BBS9: variants seen among roughly 807,000 people sequenced by gnomAD.
The protein encoded by BBS9 is Bardet-Biedl syndrome 9, also known as protein PTHB1.
Under a neutral mutation model 117.7 loss-of-function variants are expected in BBS9, and 89 were observed. The observed-to-expected ratio is 0.76, with a 90% CI of 0.64 to 0.90. The LOEUF (loss-of-function observed/expected upper bound fraction) is 0.90. Ranked by LOEUF, BBS9 falls within the 40% of genes least tolerant of loss-of-function variation. The probability of loss-of-function intolerance (pLI) is 0.00; values close to 1 mark genes in which losing one functional copy is unlikely to be tolerated. For synonymous variants in BBS9, 379 were observed against 370.9 expected, an observed-to-expected ratio of 1.02 and a Z score of -0.25; for missense variants, 982 against 1,042.2, an observed-to-expected ratio of 0.94 and a Z score of 0.80.
intron 9 of BBS9, among the ~76,000 whole-genome samples, chr7:33,294,621 C>G (rs1804885509): frequency 6.6e-6 from 1 of 152,100 alleles, no homozygotes; most frequent in Non-Finnish European, 1.5e-5. Context: ...AATGTGATAT[C>G]TTAGAGTAAT....
chr7:33,588,648 AG>A (rs1316858919), intron 21 of BBS9, among the ~76,000 whole-genome samples: 1 of 152,212 alleles, frequency 6.6e-6, no homozygotes, highest in Non-Finnish European at 1.5e-5. Context: ...TAAGTGTTAC[AG>A]AAAAAGAAAA....
At chr7:33,492,809 T>TGA (rs201807630) in intron 19 of BBS9, among the ~76,000 whole-genome samples, 3,881 of 107,440 alleles carry the variant, frequency 0.036, 189 homozygotes, top group African/African-American at 0.12. Context: ...AGTATAGGAG[T>TGA]GAGTGTGTGT....
At chr7:33,262,753 C>G (rs549694654) in intron 6 of BBS9, among the ~76,000 whole-genome samples, 1 of 152,142 alleles carries the variant, frequency 6.6e-6, no homozygotes, top group Non-Finnish European at 1.5e-5. Flanking sequence ...CTGCTGCATG[C>G]CTTTGCATTT....
At position 33,357,975 on chromosome 7, in the gene BBS9, G is replaced by C. The variant is rs575057023; in HGVS notation, c.1673G>C (p.Ser558Thr). 2 of 1,612,180 alleles carry C rather than the reference G, an allele frequency of 1.2e-6. No homozygotes were observed. The highest frequency in any genetic ancestry group is 3.3e-5 in the Admixed American group (2 of 59,886). Residue 558 changes from serine (S) to threonine (T), a missense_variant, in exon 16 of 23, where the codon AGT (serine) becomes ACT (threonine). Transcript: ENST00000242067. ...ATTGATACCAACAAATCTCCAGTCA[G>C]TCTTCTTAGTCTCTTCCCAGGTAAG... is the stretch of plus-strand genomic sequence containing the variant. ...ITIDTNKSPV[S>T]LLSLFPGFAS...
intron 21 of BBS9, among the ~76,000 whole-genome samples, chr7:33,592,497 G>A (rs1408242499): frequency 6.6e-6 from 1 of 152,032 alleles, no homozygotes; most frequent in African/African-American, 2.4e-5. Context: ...ATTGTTTAAT[G>A]GGCTGTTAAA....
At chr7:33,323,913 C>T (rs776812815) in intron 9 of BBS9, among the ~76,000 whole-genome samples, 2 of 145,960 alleles carry the variant, frequency 1.4e-5, no homozygotes, top group Admixed American at 1.4e-4. Flanking sequence ...TCTCAGCTCA[C>T]TGCAACCTCT....
chr7:33,557,085 C>A (rs917663357), intron 21 of BBS9, among the ~76,000 whole-genome samples: 9 of 152,118 alleles, frequency 5.9e-5, no homozygotes, highest in Non-Finnish European at 1.3e-4. Flanking sequence ...CCTTTCCTCT[C>A]CCTGGCTTCA....
chr7:33,599,810 A>G (rs557830877), intron 21 of BBS9, among the ~76,000 whole-genome samples: 5 of 152,190 alleles, frequency 3.3e-5, no homozygotes, highest in African/African-American at 4.8e-5. Context: ...GCAATATTCC[A>G]TTGTAGAAAT....
At chr7:33,305,163 A>G (rs1261750820) in intron 9 of BBS9, among the ~76,000 whole-genome samples, 1 of 151,786 alleles carries the variant, frequency 6.6e-6, no homozygotes, top group Non-Finnish European at 1.5e-5. Context: ...AGAAATGATC[A>G]TATGGGTTTT....
intron 5 of BBS9, among the ~76,000 whole-genome samples, chr7:33,182,824 T>G (rs991966101): frequency 2.0e-5 from 3 of 152,136 alleles, no homozygotes; most frequent in Non-Finnish European, 4.4e-5. Context: ...CTAGCCTTAA[T>G]AAACAGGTAT....
intron 9 of BBS9, among the ~76,000 whole-genome samples, chr7:33,311,290 A>G (rs1169812954): frequency 6.6e-6 from 1 of 152,180 alleles, no homozygotes; most frequent in African/African-American, 2.4e-5. Context: ...GGGTCTGTTC[A>G]AAGGGTTTTG....
At chr7:33,251,113 T>G (rs953090860) in intron 5 of BBS9, among the ~76,000 whole-genome samples, 2 of 152,172 alleles carry the variant, frequency 1.3e-5, no homozygotes, top group African/African-American at 4.8e-5. Flanking sequence ...GACTTCAGTA[T>G]CTACAGGAAT....
intron 21 of BBS9, among the ~76,000 whole-genome samples, chr7:33,595,643 T>A (rs946869246): frequency 6.6e-6 from 1 of 152,166 alleles, no homozygotes; most frequent in African/African-American, 2.4e-5. Context: ...CTTAAGGATC[T>A]AGAACCACAA....
At chr7:33,323,996 C>A (rs559410089) in intron 9 of BBS9, among the ~76,000 whole-genome samples, 6 of 151,946 alleles carry the variant, frequency 3.9e-5, no homozygotes, top group Non-Finnish European at 8.8e-5. Context: ...TGCCACCACA[C>A]CTGGCTAATT....
chr7:33,317,586 C>G (rs1810791679), intron 9 of BBS9, among the ~76,000 whole-genome samples: 3 of 152,130 alleles, frequency 2.0e-5, no homozygotes, highest in Admixed American at 1.3e-4. Flanking sequence ...TGGTTTCACC[C>G]CCTAAAGATG....
At chr7:33,256,896 ATGTATCAGTTTTCTATGATAAAC>A (rs1024139337) in intron 5 of BBS9, among the ~76,000 whole-genome samples, 45 of 152,236 alleles carry the variant, frequency 3.0e-4, no homozygotes, top group African/African-American at 5.8e-4. Context: ...TATGTTTTCT[ATGTATCAGTTTTCTATGATAAAC>A]TGTATCAGTT....
intron 9 of BBS9, among the ~76,000 whole-genome samples, chr7:33,276,639 G>A (rs941668545): frequency 3.9e-5 from 6 of 151,992 alleles, no homozygotes; most frequent in Non-Finnish European, 8.8e-5. Flanking sequence ...CTAGTCATCC[G>A]GCAAAAAAAG....
At chr7:33,220,976 A>G (rs1790133360) in intron 5 of BBS9, among the ~76,000 whole-genome samples, 1 of 152,198 alleles carries the variant, frequency 6.6e-6, no homozygotes, top group Non-Finnish European at 1.5e-5. Context: ...TAAGAGAAAA[A>G]TCTAAAGCGT....
intron 13 of BBS9, among the ~76,000 whole-genome samples, chr7:33,349,897 A>G (rs1162375101): frequency 2.6e-5 from 4 of 152,224 alleles, no homozygotes; most frequent in African/African-American, 9.6e-5. Flanking sequence ...CAAAAACTAC[A>G]TTAGTAATCA....
Sources: allele counts gnomAD v4.1 joint callset (sites outside exome capture counted in the v4.1 genomes callset), GRCh38; gene constraint gnomAD v4.1.1; transcripts MANE v1.5; gene names NCBI Gene and HGNC (gene_info 2026-07-23, HGNC 2026-07-21).